Variants in CATSPERG observed in about 807,000 individuals in gnomAD.
CATSPERG encodes catsper channel auxiliary subunit gamma.
A neutral mutation model predicts 145.0 loss-of-function variants in CATSPERG; 115 were observed. That is an observed-to-expected ratio of 0.79 (90% CI 0.68 to 0.93). The LOEUF is 0.93. CATSPERG is among the 40% of genes least tolerant of loss of function. The probability of loss-of-function intolerance (pLI) is 0.00; values close to 1 mark genes in which losing one functional copy is unlikely to be tolerated. For synonymous variants in CATSPERG, 588 were observed against 589.0 expected (o/e 1.00, Z 0.02); for missense variants, 1,296 against 1,490.1 (o/e 0.87, Z 2.14).
intron 20 of CATSPERG, among the ~76,000 whole-genome samples, chr19:38,364,000 G>A (rs952986747): frequency 1.3e-5 from 2 of 152,206 alleles, no homozygotes; most frequent in African/African-American, 4.8e-5. Flanking sequence ...AGACGGGGTG[G>A]TGGCCGGGCA....
intron 22 of CATSPERG, 28 bp from the exon 23 acceptor site, chr19:38,367,128 C>G: frequency 1.2e-6 from 2 of 1,600,182 alleles, no homozygotes; most frequent in South Asian, 1.1e-5. Context: ...CCTGGCCACC[C>G]CTGTGAGCCT....
At chr19:38,367,463 C>T in intron 23 of CATSPERG, 46 bp from the exon 24 acceptor site, 1 of 1,592,428 alleles carries the variant, frequency 6.3e-7, no homozygotes, top group Non-Finnish European at 8.6e-7. Flanking sequence ...GCTTCTCGGG[C>T]CAAGCTAATT....
rs1970326204 is a variant in CATSPERG at position 38,360,535 on chromosome 19, C to A, written c.1655C>A (p.Pro552His). The change falls in exon 15 of 29, where the codon CCT becomes CAT. Residue 552 changes from proline to histidine, a missense_variant. Physicochemically the swap from Pro to His is moderately conservative, Grantham distance 77. Coordinates refer to ENST00000409235, the MANE Select transcript of CATSPERG (RefSeq NM_021185.5). Reference protein sequence around the residue: ...EGSYRVYQLFPSKGWQVHISL... With the variant: ...EGSYRVYQLFHSKGWQVHISL... ...AGCTACCGGGTCTACCAGCTGTTCC[C>A]TTCCAAGGGCTGGCAGGTGCACATC... The A allele has an allele frequency of 6.2e-7, 1 of 1,614,052 alleles. No individual in the cohort carries two copies. The highest frequency in any genetic ancestry group is 1.3e-5 in the African/African-American group (1 of 74,926).
rs767523747 is a variant in CATSPERG at position 38,362,824 on chromosome 19, C to G, written c.2467C>G (p.Leu823Val). The G allele has an allele frequency of 6.3e-7, 1 of 1,594,224 alleles. No individual in the cohort carries two copies. The highest frequency in any genetic ancestry group is 8.6e-7 in the Non-Finnish European group (1 of 1,165,108). ...GGTCCTGATTAATCGCAACTCGGTG[C>G]TATTTTCGGTGAGGCCCCCCGGGGA... Reference protein sequence around the residue: ...QEVLINRNSVLFSITLKDKKL... With the variant: ...QEVLINRNSVVFSITLKDKKL... The change falls in exon 20 of 29, where the codon CTA (leucine) becomes GTA (valine). Residue 823 changes from leucine to valine, a missense_variant. Transcript: ENST00000409235.
At chr19:38,369,541 G>C in intron 26 of CATSPERG, 1 of 270,520 alleles carries the variant, frequency 3.7e-6, no homozygotes, top group Non-Finnish European at 7.4e-6. Context: ...TATTATAGGT[G>C]TGAACCACTA....
chr19:38,339,647 CTTTTTTT>C (rs893814744), intron 3 of CATSPERG, among the ~76,000 whole-genome samples: 2 of 151,364 alleles, frequency 1.3e-5, no homozygotes, highest in Non-Finnish European at 2.9e-5. Context: ...AAATTTTTTT[CTTTTTTT>C]TGCTTGTGTT....
At chr19:38,363,642 T>C (rs1356484036) in intron 20 of CATSPERG, among the ~76,000 whole-genome samples, 2 of 151,730 alleles carry the variant, frequency 1.3e-5, no homozygotes, top group African/African-American at 2.4e-5. Context: ...CCTGGGTACT[T>C]GAGATTAGGG....
chr19:38,343,543 C>T, intron 3 of CATSPERG, 37 bp from the exon 4 acceptor site: 1 of 1,512,692 alleles, frequency 6.6e-7, no homozygotes. Flanking sequence ...CCAGAGGCTA[C>T]CATAAGGACA....
In CATSPERG at chr19:38,358,261, G is replaced by C. The variant is rs1970281798; in HGVS notation, c.1316-17G>C. The C allele has an allele frequency of 6.2e-7, 1 of 1,613,906 alleles. No homozygotes were observed. Among genetic ancestry groups the C allele is most frequent in the African/African-American group, 1.3e-5 (1 of 74,916 alleles). On this transcript the variant is annotated splice_polypyrimidine_tract_variant and intron_variant, in intron 11 of 28. Coordinates refer to ENST00000409235, the MANE Select transcript of CATSPERG (RefSeq NM_021185.5). ...GCAGGGCCTCAGGAGATTTTGCTGTGTTCTCCCCACCTGTAGCTAGTGATG... is the reference window on the plus strand; with the variant it reads ...GCAGGGCCTCAGGAGATTTTGCTGTCTTCTCCCCACCTGTAGCTAGTGATG...
chr19:38,356,645 T>A (rs1440800556), intron 10 of CATSPERG, 97 bp from the exon 11 acceptor site: 1 of 1,591,476 alleles, frequency 6.3e-7, no homozygotes, highest in Non-Finnish European at 8.6e-7. Context: ...ATGGGCAGTG[T>A]CTTAGGGAGG....
intron 22 of CATSPERG, 75 bp from the exon 23 acceptor site, chr19:38,367,081 C>G: frequency 7.1e-7 from 1 of 1,412,550 alleles, no homozygotes; most frequent in Non-Finnish European, 9.5e-7. Context: ...GGGGACTGTC[C>G]TTCCTGCCCC....
chr19:38,352,264 A>G lies in CATSPERG; in HGVS notation c.829A>G (p.Ser277Gly), dbSNP rs1050553480. ...ACTAGCCTCTGCTCCCCTGCAGCTG[A>G]GCATTGACAGTTGCTGGGTGGGCTC... ...SFKDFSLVEL[S>G]IDSCWVGSFY... The change falls in exon 8 of 29, where the codon AGC becomes GGC. Residue 277 changes from serine to glycine, a missense_variant. Coordinates refer to ENST00000409235, the MANE Select transcript of CATSPERG (RefSeq NM_021185.5). 1 of 1,551,230 alleles carries G rather than the reference A, an allele frequency of 6.4e-7. No individual in the cohort carries two copies. The highest frequency in any genetic ancestry group is 1.4e-5 in the African/African-American group (1 of 73,016).
chr19:38,361,812 A>T lies in CATSPERG; in HGVS notation c.2045A>T (p.Tyr682Phe). 6.2e-7 allele frequency: 1 copy of T among 1,612,136 alleles called. No individual in the cohort carries two copies. Among genetic ancestry groups the T allele is most frequent in the South Asian group, 1.1e-5 (1 of 90,824 alleles). ...CACAACGAGAACTCGCTCGCCATCT[A>T]CCAGGGCCTGGTCTACTACCTGCTG... ...GFHNENSLAI[Y>F]QGLVYYLLWL... is the part of the protein sequence containing the mutation. Residue 682 changes from tyrosine to phenylalanine, a missense_variant, in exon 17 of 29, where the codon TAC (tyrosine) becomes TTC (phenylalanine). By Grantham distance (22) the Tyr-to-Phe change is conservative. Transcript: ENST00000409235.
At chr19:38,340,633 T>C (rs1438548949) in intron 3 of CATSPERG, among the ~76,000 whole-genome samples, 2 of 151,916 alleles carry the variant, frequency 1.3e-5, no homozygotes, top group East Asian at 3.9e-4. Context: ...AATTTTATTT[T>C]TTTAGAGACA....
intron 14 of CATSPERG, 115 bp downstream of exon 14, chr19:38,359,696 C>G (rs1970310763): frequency 2.1e-6 from 3 of 1,447,334 alleles, no homozygotes; most frequent in Admixed American, 4.9e-5. Flanking sequence ...CTCGGGGACC[C>G]TGAGAAAGGG....
intron 3 of CATSPERG, among the ~76,000 whole-genome samples, chr19:38,339,995 C>T (rs959420197): frequency 2.0e-5 from 3 of 152,048 alleles, no homozygotes; most frequent in East Asian, 1.9e-4. Flanking sequence ...GCAGGAATTA[C>T]AGGCATGCGC....
chr19:38,361,766 G>T lies in CATSPERG; in HGVS notation c.1999G>T (p.Val667Phe). 6.2e-7 allele frequency: 1 copy of T among 1,613,096 alleles called. No individual in the cohort carries two copies. The highest frequency in any genetic ancestry group is 1.1e-5 in the South Asian group (1 of 90,912). ...GCGCTACCGGGCGCGGCCGCCGCGC[G>T]TCCTGGAGCGCTCGGGCTTCCACAA... is the stretch of plus-strand genomic sequence containing the variant. Reference protein sequence around the residue: ...QERYRARPPRVLERSGFHNEN... With the variant: ...QERYRARPPRFLERSGFHNEN... Residue 667 changes from valine to phenylalanine, a missense_variant, in exon 17 of 29, where the codon GTC becomes TTC. Physicochemically the swap from Val to Phe is conservative, Grantham distance 50. Coordinates refer to ENST00000409235, the MANE Select transcript of CATSPERG (RefSeq NM_021185.5).
intron 16 of CATSPERG, 45 bp from the exon 17 acceptor site, chr19:38,361,603 G>C (rs747858573): frequency 6.7e-7 from 1 of 1,498,552 alleles, no homozygotes; most frequent in Non-Finnish European, 9.1e-7. Flanking sequence ...TCCAGTGCGC[G>C]GGGTGCCTTA....
In CATSPERG at chr19:38,343,710, C is replaced by G. The variant is rs1460163898; in HGVS notation, c.455C>G (p.Pro152Arg). ...CTGCAGATCCAGATGGAGGCTGCCCCCTTCCGCAGCAAAGGTGGGCCTGGG... is the reference window on the plus strand; with the variant it reads ...CTGCAGATCCAGATGGAGGCTGCCCGCTTCCGCAGCAAAGGTGGGCCTGGG... ...EQLQIQMEAA[P>R]FRSKEPCMAE... is the part of the protein sequence containing the mutation. The change falls in exon 4 of 29, where the codon CCC becomes CGC. Residue 152 changes from proline (P) to arginine (R), a missense_variant. Physicochemically the swap from Pro to Arg is moderately radical, Grantham distance 103. Coordinates refer to ENST00000409235, the MANE Select transcript of CATSPERG (RefSeq NM_021185.5). 6.4e-7 allele frequency: 1 copy of G among 1,550,660 alleles called. No individual in the cohort carries two copies. Among genetic ancestry groups the G allele is most frequent in the South Asian group, 1.2e-5 (1 of 84,058 alleles).
Sources: gnomAD v4.1 joint callset for allele counts (sites outside exome capture counted in the v4.1 genomes callset) on GRCh38, gnomAD v4.1.1 for gene constraint, MANE v1.5 for transcripts, NCBI Gene and HGNC (gene_info 2026-07-23, HGNC 2026-07-21) for gene names.